The following ENTPD1 variants were observed in gnomAD, a reference collection of about 807,000 sequenced individuals.
ENTPD1 encodes the protein ATP diphosphohydrolase.
ENTPD1 carries 33 observed loss-of-function variants against 57.0 expected under a neutral mutation model. The ratio of observed to expected loss-of-function variants is 0.58; its 90% CI spans 0.44 to 0.77. ENTPD1 has a LOEUF of 0.77. ENTPD1 is among the 30% of genes least tolerant of loss of function. ENTPD1 has a pLI of 0.00. For synonymous variants in ENTPD1, 202 were observed against 218.8 expected, an observed-to-expected ratio of 0.92 and a Z score of 0.68; for missense variants, 501 against 603.4, an observed-to-expected ratio of 0.83 and a Z score of 1.78.
At chr10:95,860,622 C>CCTGTGT in intron 8 of ENTPD1, 40 bp downstream of exon 8, 2 of 1,557,350 alleles carry the variant, frequency 1.3e-6, no homozygotes, top group Non-Finnish European at 1.8e-6. Context: ...GCATGAGTGC[C>CCTGTGT]CTGTGTCGTT....
chr10:95,713,021 G>A (rs2097967521), intron 1 of ENTPD1, among the ~76,000 whole-genome samples: 1 of 141,712 alleles, frequency 7.1e-6, no homozygotes, highest in Admixed American at 7.5e-5. Flanking sequence ...GCGACAGAGC[G>A]AGATTCTGTC....
rs576482626 is a variant in ENTPD1 at position 95,779,265 on chromosome 10, T to C, written c.16+23010T>C. 3.9e-5 allele frequency among the ~76,000 whole-genome samples: 6 copies of C among 152,320 alleles called. No individual in the cohort carries two copies. The East Asian group carries it at 9.6e-4, about 24-fold the overall frequency. ...CCATAGGAGATAGTCCCTCAAATAT[T>C]TGAAATGATACTGTCATGATTCCTC... is the stretch of plus-strand genomic sequence containing the variant. On this transcript the variant is annotated intron_variant, in intron 1 of 9. Coordinates refer to ENST00000371205, the MANE Select transcript of ENTPD1 (RefSeq NM_001776.6).
upstream of ENTPD1, among the ~76,000 whole-genome samples, chr10:95,708,935 G>A (rs2139799514): frequency 6.6e-6 from 1 of 152,278 alleles, no homozygotes; most frequent in Non-Finnish European, 1.5e-5. Context: ...AGCGGTGAGA[G>A]CTCTCTCAAT....
At chr10:95,823,497 C>T in intron 2 of ENTPD1, 133 bp downstream of exon 2, 1 of 1,376,994 alleles carries the variant, frequency 7.3e-7, no homozygotes, top group South Asian at 1.2e-5. Flanking sequence ...AGTCAATTTC[C>T]ACTGGATTAG....
intron 1 of ENTPD1, among the ~76,000 whole-genome samples, chr10:95,760,169 CAAAAT>C (rs2098050683): frequency 6.6e-6 from 1 of 151,922 alleles, no homozygotes; most frequent in Non-Finnish European, 1.5e-5. Context: ...TTGTCTCTAA[CAAAAT>C]AAAAATAAAA....
rs2141042023 is a variant in ENTPD1 at position 95,875,931 on chromosome 10, T to C, written c.*9548T>C. 2.0e-6 allele frequency: 2 copies of C among 980,948 alleles called. No homozygotes were observed. Among genetic ancestry groups the C allele is most frequent in the African/African-American group, 3.5e-5 (2 of 57,242 alleles). 60.8% of individuals were successfully genotyped at this position (980,948 alleles called of 1,614,324 possible). A position where few individuals can be genotyped will look rare whatever the true frequency, so the allele number is the denominator to read the frequency against. ...GGAATTCTGGAAGGTACAATTCAAG[T>C]TGAGATTTGGGTGGGGACACAGCCA... On this transcript the variant is annotated 3_prime_UTR_variant, in exon 10 of 10. Coordinates refer to ENST00000371205, the MANE Select transcript of ENTPD1 (RefSeq NM_001776.6).
rs2098203056 is a variant in ENTPD1 at position 95,791,376 on chromosome 10, T to C, written c.17-31861T>C. 6.6e-6 allele frequency among the ~76,000 whole-genome samples: 1 copy of C among 152,180 alleles called. No individual in the cohort carries two copies. Among genetic ancestry groups the C allele is most frequent in the Non-Finnish European group, 1.5e-5 (1 of 68,036 alleles). On this transcript the variant is annotated intron_variant, in intron 1 of 9. Transcript: ENST00000371205. This position sits in a 1 kb window ranked among gnomAD's most constrained non-coding sequence, Gnocchi z 4.1. ...GAATGGTAAATGGAACTGGAGCTAT[T>C]TAGCCTGGAGAATAGGGGACTTGAG... is the stretch of plus-strand genomic sequence containing the variant.
Position 95,869,744 on chromosome 10 carries a change from G to C in ENTPD1, c.*3361G>C. On this transcript the variant is annotated 3_prime_UTR_variant, in exon 10 of 10. Coordinates refer to ENST00000371205, the MANE Select transcript of ENTPD1 (RefSeq NM_001776.6). Reference sequence around the variant, plus strand: ...GTCCCTGCAAGAGATGGATGGTATGGTACACTCAAACTGGGTAACACAGGA... The same window carrying C: ...GTCCCTGCAAGAGATGGATGGTATGCTACACTCAAACTGGGTAACACAGGA... 1 of 879,896 alleles carries C rather than the reference G, an allele frequency of 1.1e-6. No individual in the cohort carries two copies. Among genetic ancestry groups the C allele is most frequent in the Non-Finnish European group, 1.4e-6 (1 of 733,842 alleles). 54.5% of individuals were successfully genotyped at this position (879,896 alleles called of 1,614,324 possible).
intron 1 of ENTPD1, chr10:95,712,051 A>C: frequency 6.2e-7 from 1 of 1,611,276 alleles, no homozygotes; most frequent in South Asian, 1.1e-5. Context: ...AATCTGGTAG[A>C]GCCGATGGTA....
In ENTPD1 at chr10:95,810,440, G is replaced by A. The variant is rs1040536315; in HGVS notation, c.17-12797G>A. Among the ~76,000 whole-genome samples, 13 of 139,548 alleles carry A rather than the reference G, an allele frequency of 9.3e-5. 1 individual carries two copies. Among genetic ancestry groups the A allele is most frequent in the South Asian group, 4.7e-4 (2 of 4,250 alleles). The allele number at this position is 139,548 out of a possible 152,430, so 91.5% of individuals were successfully genotyped here. A position where few individuals can be genotyped will look rare whatever the true frequency, so the allele number is the denominator to read the frequency against. ...TGGGCAGAGGCGCTCCTCACTTCCC[G>A]GATAGGGCAGCCGGGCAGAGGCGCT... On this transcript the variant is annotated intron_variant, in intron 1 of 9. Coordinates refer to ENST00000371205, the MANE Select transcript of ENTPD1 (RefSeq NM_001776.6).
At chr10:95,720,616 G>A (rs1365787724) in intron 1 of ENTPD1, among the ~76,000 whole-genome samples, 1 of 152,162 alleles carries the variant, frequency 6.6e-6, no homozygotes, top group Non-Finnish European at 1.5e-5. Context: ...GCTCTGTGAG[G>A]GTGATGGCAT....
the ENTPD1 span, among the ~76,000 whole-genome samples, chr10:95,698,476 G>A: frequency 2.0e-5 from 3 of 152,222 alleles, no homozygotes; most frequent in African/African-American, 7.2e-5. Context: ...CCCAGTGACT[G>A]TTTGCTAAAG....
intron 6 of ENTPD1, 44 bp from the exon 7 acceptor site, chr10:95,847,402 C>A (rs1469251646): frequency 6.2e-7 from 1 of 1,611,704 alleles, no homozygotes; most frequent in Non-Finnish European, 8.5e-7. Context: ...CTTTTGTATC[C>A]AAAGCGTTCA....
chr10:95,797,318 G>C (rs1018891320), intron 1 of ENTPD1, among the ~76,000 whole-genome samples: 5 of 152,034 alleles, frequency 3.3e-5, no homozygotes, highest in African/African-American at 1.2e-4. Context: ...TAGGTGACTA[G>C]CATTATAAAT....
intron 1 of ENTPD1, among the ~76,000 whole-genome samples, chr10:95,778,013 A>G (rs562550364): frequency 6.6e-6 from 1 of 152,280 alleles, no homozygotes; most frequent in Admixed American, 6.5e-5. Context: ...GCACAGTATT[A>G]GGGCAGGAGT....
At chr10:95,808,255 G>A (rs148685642) in intron 1 of ENTPD1, among the ~76,000 whole-genome samples, 208 of 152,222 alleles carry the variant, frequency 1.4e-3, no homozygotes, top group African/African-American at 4.8e-3. Context: ...ACCTTACATC[G>A]CAGGGATAAA....
chr10:95,704,215 G>T, the ENTPD1 span, among the ~76,000 whole-genome samples: 1 of 152,248 alleles, frequency 6.6e-6, no homozygotes, highest in Non-Finnish European at 1.5e-5. Context: ...AACATGTGAA[G>T]TCTTCCCAAA....
intron 2 of ENTPD1, among the ~76,000 whole-genome samples, chr10:95,832,385 G>C (rs1406115758): frequency 1.3e-5 from 2 of 151,924 alleles, no homozygotes; most frequent in Non-Finnish European, 2.9e-5. Context: ...GACACAATGA[G>C]AACTTAAAAA....
chr10:95,840,133 T>C (rs2098419448), intron 3 of ENTPD1, among the ~76,000 whole-genome samples: 1 of 152,210 alleles, frequency 6.6e-6, no homozygotes, highest in East Asian at 1.9e-4. Flanking sequence ...TGCATTATTA[T>C]ACTAATTTTT....
Sources: gnomAD v4.1 joint callset for allele counts (sites outside exome capture counted in the v4.1 genomes callset) on GRCh38, gnomAD v4.1.1 for gene constraint, Gnocchi (gnomAD v3.1) non-coding constraint, MANE v1.5 for transcripts, NCBI Gene and HGNC (gene_info 2026-07-23, HGNC 2026-07-21) for gene names.